The following PDE4D variants were observed in gnomAD, a reference collection of about 807,000 sequenced individuals.
PDE4D encodes the protein phosphodiesterase 4D, also known as 3',5'-cyclic-AMP phosphodiesterase 4D.
Under a neutral mutation model 87.4 loss-of-function variants are expected in PDE4D, and 24 were observed. The ratio of observed to expected loss-of-function variants is 0.27; its 90% CI spans 0.20 to 0.39. The LOEUF is 0.39. Ranked by LOEUF, PDE4D falls within the 10% of genes least tolerant of loss-of-function variation. The pLI, the probability that PDE4D is intolerant of heterozygous loss-of-function variation, is 1.00. For missense variants in PDE4D, 714 were observed against 1,041.0 expected, an observed-to-expected ratio of 0.69 and a Z score of 4.32; for synonymous variants, 384 against 383.2, an observed-to-expected ratio of 1.00 and a Z score of -0.02.
At chr5:59,629,342 G>A (rs1201458475) in intron 1 of PDE4D, among the ~76,000 whole-genome samples, 1 of 152,084 alleles carries the variant, frequency 6.6e-6, no homozygotes, top group African/African-American at 2.4e-5. Context: ...GGTCATATAG[G>A]AGTAAGATGC....
rs145801688 is a variant in PDE4D, at chr5:59,611,498, C to G, written c.455+281670G>C. Among the ~76,000 whole-genome samples the G allele has an allele frequency of 5.7e-3, 868 of 152,230 alleles. 8 individuals are homozygous for G. The highest frequency in any genetic ancestry group is 0.042 in the East Asian group (218 of 5,164). ...GTATTTCCCCTTGTAACACTCATCACAACCTGCACTTGTATATTCATTTAT... is the reference window on the plus strand; with the variant it reads ...GTATTTCCCCTTGTAACACTCATCAGAACCTGCACTTGTATATTCATTTAT... On this transcript the variant is annotated intron_variant, in intron 1 of 14. Coordinates refer to ENST00000340635, the MANE Select transcript of PDE4D (RefSeq NM_001104631.2).
At chr5:60,256,016 C>T (rs1418492774) in intron 1 of PDE4D, among the ~76,000 whole-genome samples, 1 of 151,844 alleles carries the variant, frequency 6.6e-6, no homozygotes, top group East Asian at 1.9e-4. Flanking sequence ...AGAAAGAGCT[C>T]ACAATTTCAG....
At chr5:59,538,600 G>A (rs997669802) in intron 1 of PDE4D, among the ~76,000 whole-genome samples, 2 of 151,998 alleles carry the variant, frequency 1.3e-5, no homozygotes, top group African/African-American at 2.4e-5. Context: ...CATGAGTACC[G>A]GTCTGAATTA....
chr5:60,302,513 T>C (rs1433260386), intron 1 of PDE4D, among the ~76,000 whole-genome samples: 2 of 152,226 alleles, frequency 1.3e-5, no homozygotes, highest in Non-Finnish European at 2.9e-5. Flanking sequence ...TCAGTGGTGA[T>C]ATCCCCCTTA....
At chr5:60,336,018 G>C (rs1322191527) in intron 1 of PDE4D, among the ~76,000 whole-genome samples, 1 of 152,196 alleles carries the variant, frequency 6.6e-6, no homozygotes, top group Non-Finnish European at 1.5e-5. Flanking sequence ...GTTGGAGACA[G>C]CCTCACAGGG....
At chr5:59,029,969 C>G (rs578251603) in intron 6 of PDE4D, among the ~76,000 whole-genome samples, 126 of 152,236 alleles carry the variant, frequency 8.3e-4, no homozygotes, top group African/African-American at 2.6e-3. Context: ...GTTGGGAAAA[C>G]TGGATGTCCA....
chr5:59,248,004 A>T (rs27691), intron 1 of PDE4D, among the ~76,000 whole-genome samples: 1 of 135,834 alleles, frequency 7.4e-6, no homozygotes. Context: ...TGATCCAGAC[A>T]AGTGATTACC....
chr5:59,479,896 G>A (rs1803952154), intron 1 of PDE4D, among the ~76,000 whole-genome samples: 1 of 152,032 alleles, frequency 6.6e-6, no homozygotes, highest in Admixed American at 6.6e-5. Flanking sequence ...AAAATCTTCT[G>A]AGAGAATAAT....
intron 1 of PDE4D, among the ~76,000 whole-genome samples, chr5:59,803,067 G>C (rs1767326132): frequency 6.6e-6 from 1 of 152,080 alleles, no homozygotes; most frequent in African/African-American, 2.4e-5. Flanking sequence ...TCTCTACCTG[G>C]TTGATTCCAA....
At position 60,260,601 on chromosome 5, in the gene PDE4D, G is replaced by T. The variant is rs141516791; in HGVS notation, c.-89-74914C>A. ...ACCAACCAGTCACAATTAAGGGACT[G>T]AACTAATTGTTCCCTAAGGCGGTCA... On this transcript the variant is annotated intron_variant, in intron 1 of 16. Transcript: ENST00000502484. Among the ~76,000 whole-genome samples the T allele has an allele frequency of 2.0e-3, 308 of 152,180 alleles. 1 individual carries two copies. The highest frequency in any genetic ancestry group is 6.9e-3 in the African/African-American group (285 of 41,540).
intron 2 of PDE4D, among the ~76,000 whole-genome samples, chr5:60,088,203 CA>C (rs1223847716): frequency 6.6e-6 from 1 of 151,126 alleles, no homozygotes; most frequent in Non-Finnish European, 1.5e-5. Flanking sequence ...CTCAGACAAA[CA>C]AAAGCTGAGG....
intron 6 of PDE4D, among the ~76,000 whole-genome samples, chr5:59,033,888 G>C (rs1036262934): frequency 6.6e-5 from 10 of 152,020 alleles, no homozygotes; most frequent in African/African-American, 2.4e-5. Flanking sequence ...AAAATTAGGA[G>C]TTTTTGATAA....
intron 2 of PDE4D, among the ~76,000 whole-genome samples, chr5:60,131,269 T>C (rs1005168112): frequency 6.6e-6 from 1 of 152,188 alleles, no homozygotes; most frequent in African/African-American, 2.4e-5. Context: ...AGTATGGGGC[T>C]GAGAACAGAT....
chr5:59,779,592 G>A (rs886792193), intron 1 of PDE4D, among the ~76,000 whole-genome samples: 1 of 152,052 alleles, frequency 6.6e-6, no homozygotes, highest in African/African-American at 2.4e-5. Context: ...ATATATTACT[G>A]TTTTCTGAGG....
At chr5:59,033,548 T>C (rs1757965800) in intron 6 of PDE4D, among the ~76,000 whole-genome samples, 1 of 152,186 alleles carries the variant, frequency 6.6e-6, no homozygotes, top group Admixed American at 6.5e-5. Flanking sequence ...AATAATGACA[T>C]AAACAGCACT....
intron 6 of PDE4D, among the ~76,000 whole-genome samples, chr5:59,001,208 A>T (rs1216916823): frequency 6.6e-6 from 1 of 152,102 alleles, no homozygotes; most frequent in African/African-American, 2.4e-5. Context: ...AACAAGGAAA[A>T]ACTAGGTTTT....
rs149144719 is a variant in PDE4D, at chr5:60,381,980, T to C, written c.-90+105962A>G. On this transcript the variant is annotated intron_variant, in intron 1 of 16. Coordinates refer to the PDE4D transcript ENST00000502484. The stretch of plus-strand genomic sequence containing the variant: ...CCTATTTTCAATTCATCATGAAAGA[T>C]TCTGTTTAATTTTATATATTAAGCT... Among the ~76,000 whole-genome samples, 74 of 152,300 alleles carry C rather than the reference T, an allele frequency of 4.9e-4. No individual in the cohort carries two copies. In the East Asian group the frequency reaches 0.014, roughly 29 times the overall value.
At chr5:59,029,891 C>T (rs1244484872) in intron 6 of PDE4D, among the ~76,000 whole-genome samples, 5 of 152,208 alleles carry the variant, frequency 3.3e-5, no homozygotes, top group South Asian at 2.1e-4. Context: ...CAAGTATTTA[C>T]AGTCAATTGA....
At chr5:59,632,483 T>C (rs578168011) in intron 1 of PDE4D, among the ~76,000 whole-genome samples, 76 of 152,312 alleles carry the variant, frequency 5.0e-4, no homozygotes, top group African/African-American at 1.5e-3. Flanking sequence ...AGACACTTCA[T>C]ACAGGAGAGT....
Sources: gnomAD v4.1 joint callset for allele counts (sites outside exome capture counted in the v4.1 genomes callset) on GRCh38, gnomAD v4.1.1 for gene constraint, MANE v1.5 for transcripts, NCBI Gene and HGNC (gene_info 2026-07-23, HGNC 2026-07-21) for gene names.